Variants in CAMK2B observed in about 807,000 individuals in gnomAD.
CAMK2B encodes calcium/calmodulin dependent protein kinase II beta.
Under a neutral mutation model 93.7 loss-of-function variants are expected in CAMK2B, and 27 were observed. That is an observed-to-expected ratio of 0.29 (90% confidence interval 0.21 to 0.40). The LOEUF is 0.40. Ranked by LOEUF, CAMK2B falls within the 10% of genes least tolerant of loss-of-function variation. The pLI, the probability that CAMK2B is intolerant of heterozygous loss-of-function variation, is 1.00. For synonymous variants in CAMK2B, 374 were observed against 358.8 expected, an observed-to-expected ratio of 1.04 and a Z score of -0.48; for missense variants, 568 against 895.8, an observed-to-expected ratio of 0.63 and a Z score of 4.67.
At chr7:44,274,293 G>A (rs1369111604) in intron 2 of CAMK2B, among the ~76,000 whole-genome samples, 1 of 152,156 alleles carries the variant, frequency 6.6e-6, no homozygotes, top group Non-Finnish European at 1.5e-5. Flanking sequence ...CTGGCCCTGG[G>A]GACAGAGGAC....
Position 44,284,779 on chromosome 7 carries a change from G to A in CAMK2B, c.66-554C>T, listed in dbSNP as rs147245921. 6.3e-3 allele frequency among the ~76,000 whole-genome samples: 965 copies of A among 152,324 alleles called. 7 individuals are homozygous for A. The highest frequency in any genetic ancestry group is 0.022 in the African/African-American group (908 of 41,568). On this transcript the variant is annotated intron_variant, in intron 1 of 23. Coordinates refer to ENST00000395749, the MANE Select transcript of CAMK2B (RefSeq NM_001220.5). ...ATGGGGACTCATGGAAGGTTTTGTAGGGAGAGAGAAACATCACATCCTTAA... is the reference window on the plus strand; with the variant it reads ...ATGGGGACTCATGGAAGGTTTTGTAAGGAGAGAGAAACATCACATCCTTAA...
intron 2 of CAMK2B, among the ~76,000 whole-genome samples, chr7:44,276,424 GCA>G (rs2097042334): frequency 6.6e-6 from 1 of 151,932 alleles, no homozygotes; most frequent in Non-Finnish European, 1.5e-5. Context: ...CCCGGAGGCA[GCA>G]CCCCCCCGCC....
At chr7:44,314,408 A>G (rs1315122522) in intron 1 of CAMK2B, among the ~76,000 whole-genome samples, 3 of 152,228 alleles carry the variant, frequency 2.0e-5, no homozygotes, top group African/African-American at 7.2e-5. Context: ...TGCACTGAGC[A>G]TGACGTTTTG....
chr7:44,220,420 G>T, intron 22 of CAMK2B, 126 bp from the exon 23 acceptor site: 1 of 883,572 alleles, frequency 1.1e-6, no homozygotes. Flanking sequence ...GGCTCTCCTG[G>T]GAGCAGCATG....
rs147731078 is a variant in CAMK2B, at chr7:44,260,306, G to A, written c.221-1380C>T. On this transcript the variant is annotated intron_variant, in intron 3 of 23. Coordinates refer to ENST00000395749, the MANE Select transcript of CAMK2B (RefSeq NM_001220.5). ...TCTCCCAGGGGCCCAGCCTGATAGC[G>A]TCCTTACATCCAGGAACTCCATGTG... Among the ~76,000 whole-genome samples the A allele has an allele frequency of 1.8e-4, 28 of 152,240 alleles. No individual in the cohort carries two copies. In the East Asian group the frequency reaches 1.9e-3, roughly 11 times the overall value.
chr7:44,242,639 A>G lies in CAMK2B; in HGVS notation c.617T>C (p.Ile206Thr). 1 of 1,611,542 alleles carries G rather than the reference A, an allele frequency of 6.2e-7. No homozygotes were observed. The highest frequency in any genetic ancestry group is 8.5e-7 in the Non-Finnish European group (1 of 1,179,046). ...GAAGGGTGGGTAGCCCACGAGCAGG[A>G]TGTACAGGATCACCCCTGCGGATGG... ...DIWACGVILY[I>T]LLVGYPPFWD... Residue 206 changes from isoleucine to threonine, a missense_variant, in exon 9 of 24, where the codon ATC (isoleucine) becomes ACC (threonine). Transcript: ENST00000395749.
rs1232796854 is a variant in CAMK2B at position 44,225,386 on chromosome 7, G to A, written c.1597+1130C>T. ...TGCGGTGCACCCACCCCAGCTGCACGGCGGCCCCTCCCCATGCCTCCCTCC... is the reference window on the plus strand; with the variant it reads ...TGCGGTGCACCCACCCCAGCTGCACAGCGGCCCCTCCCCATGCCTCCCTCC... On this transcript the variant is annotated intron_variant, in intron 20 of 23. Transcript: ENST00000395749. The surrounding 1 kb of genome is among the most constrained non-coding windows in gnomAD (Gnocchi z 5.0). Among the ~76,000 whole-genome samples, 1 of 151,970 alleles carries A rather than the reference G, an allele frequency of 6.6e-6. No homozygotes were observed. The highest frequency in any genetic ancestry group is 1.5e-5 in the Non-Finnish European group (1 of 67,978).
intron 21 of CAMK2B, 44 bp from the exon 22 acceptor site, chr7:44,220,754 A>G (rs758535403): frequency 6.4e-7 from 1 of 1,573,406 alleles, no homozygotes; most frequent in African/African-American, 1.4e-5. Flanking sequence ...TGGACCCCTG[A>G]CTCTGAGCAG....
At position 44,220,508 on chromosome 7, in the gene CAMK2B, A is replaced by G. The variant is rs975657611; in HGVS notation, c.1768+108T>C. The G allele has an allele frequency of 5.8e-6, 6 of 1,030,804 alleles. No individual in the cohort carries two copies. The Admixed American group carries it at 1.3e-4, about 21-fold the overall frequency. The allele number at this position is 1,030,804 out of a possible 1,614,324, so 63.9% of individuals were successfully genotyped here. A position where few individuals can be genotyped will look rare whatever the true frequency, so the allele number is the denominator to read the frequency against. ...GAGGTGGCTGGCCAACCCTGGGCAC[A>G]GAGGGGACAGGGCTTCCATAGGCAG... On this transcript the variant is annotated intron_variant, in intron 22 of 23. Coordinates refer to ENST00000395749, the MANE Select transcript of CAMK2B (RefSeq NM_001220.5).
At chr7:44,246,646 CAT>C (rs1458158531) in intron 6 of CAMK2B, among the ~76,000 whole-genome samples, 24 of 152,142 alleles carry the variant, frequency 1.6e-4, no homozygotes, top group Middle Eastern at 3.4e-3. Context: ...CTCATGCAGA[CAT>C]ATGCACTCAC....
intron 1 of CAMK2B, 124 bp downstream of exon 1, chr7:44,325,233 C>G (rs1797224398): frequency 2.5e-6 from 1 of 407,988 alleles, no homozygotes; most frequent in Non-Finnish European, 3.3e-6. Flanking sequence ...CGCTTGGGCC[C>G]GGAGCCCAGA....
chr7:44,298,800 G>A lies in CAMK2B; in HGVS notation c.66-14575C>T, dbSNP rs1209653316. ...ATATGTTCAACATCACTAGCCATGA[G>A]AGAAATCAAATCAAAACCATAATGA... is the stretch of plus-strand genomic sequence containing the variant. On this transcript the variant is annotated intron_variant, in intron 1 of 23. Transcript: ENST00000395749. Among the ~76,000 whole-genome samples the A allele has an allele frequency of 2.6e-5, 4 of 152,302 alleles. No individual in the cohort carries two copies. In the East Asian group the frequency reaches 7.7e-4, roughly 29 times the overall value.
intron 1 of CAMK2B, among the ~76,000 whole-genome samples, chr7:44,306,235 C>A (rs753007760): frequency 1.3e-5 from 2 of 152,072 alleles, no homozygotes; most frequent in African/African-American, 4.8e-5. Context: ...CTGGGATCCC[C>A]GTAAATCCAG....
chr7:44,234,196 G>C (rs1233365970), intron 15 of CAMK2B, among the ~76,000 whole-genome samples, 194 bp downstream of exon 15: 1 of 152,216 alleles, frequency 6.6e-6, no homozygotes, highest in Non-Finnish European at 1.5e-5. Context: ...GTCTGAATTG[G>C]AGCCCCCCAC....
chr7:44,256,439 A>C (rs1033049507), intron 4 of CAMK2B, among the ~76,000 whole-genome samples: 10 of 151,922 alleles, frequency 6.6e-5, no homozygotes, highest in African/African-American at 2.4e-4. Flanking sequence ...GCCTGTGTGC[A>C]TGTGTGTACA....
chr7:44,256,355 ATGTG>A (rs1039500279), intron 4 of CAMK2B, among the ~76,000 whole-genome samples: 14 of 151,978 alleles, frequency 9.2e-5, no homozygotes, highest in Non-Finnish European at 2.1e-4. Flanking sequence ...GCACATGTGC[ATGTG>A]TGTCTGTGTG....
chr7:44,271,662 G>A lies in CAMK2B; in HGVS notation c.161-8598C>T, dbSNP rs1245708863. Among the ~76,000 whole-genome samples the A allele has an allele frequency of 6.6e-6, 1 of 152,248 alleles. No individual in the cohort carries two copies. The highest frequency in any genetic ancestry group is 1.5e-5 in the Non-Finnish European group (1 of 68,038). On this transcript the variant is annotated intron_variant, in intron 2 of 23. Coordinates refer to ENST00000395749, the MANE Select transcript of CAMK2B (RefSeq NM_001220.5). This position sits in a 1 kb window ranked among gnomAD's most constrained non-coding sequence, Gnocchi z 4.2. ...CCAGATTGGGCAGCTGGGTGGGGACGAAGGAGTGGCTTCCAGCAGCCCCTC... is the reference window on the plus strand; with the variant it reads ...CCAGATTGGGCAGCTGGGTGGGGACAAAGGAGTGGCTTCCAGCAGCCCCTC...
chr7:44,253,200 AGTTTTTTTTTTTT>A (rs1190213060), intron 5 of CAMK2B, among the ~76,000 whole-genome samples: 1 of 149,846 alleles, frequency 6.7e-6, no homozygotes, highest in Non-Finnish European at 1.5e-5. Flanking sequence ...TTTTAAAAAG[AGTTTTTTTTTTTT>A]GGTTTTTTTT....
intron 1 of CAMK2B, among the ~76,000 whole-genome samples, chr7:44,288,543 G>A (rs1203807033): frequency 1.3e-5 from 2 of 152,244 alleles, no homozygotes; most frequent in African/African-American, 4.8e-5. Context: ...ATGCTACTGA[G>A]CCAGGCTGAA....
Sources: allele counts gnomAD v4.1 joint callset (sites outside exome capture counted in the v4.1 genomes callset), GRCh38; gene constraint gnomAD v4.1.1; non-coding constraint Gnocchi (gnomAD v3.1); transcripts MANE v1.5; gene names NCBI Gene and HGNC (gene_info 2026-07-23, HGNC 2026-07-21).